The following AASDH variants were observed in gnomAD, a reference collection of about 807,000 sequenced individuals.
AASDH encodes the protein aminoadipate-semialdehyde dehydrogenase, also known as beta-alanine-activating enzyme.
AASDH carries 81 observed loss-of-function variants against 102.3 expected under a neutral mutation model. The observed-to-expected ratio is 0.79, with a 90% CI of 0.66 to 0.95. The LOEUF is 0.95. Among genes scored for constraint, AASDH ranks in the 40% least tolerant of loss-of-function variants. The pLI, the probability that AASDH is intolerant of heterozygous loss-of-function variation, is 0.00. For synonymous variants in AASDH, 398 were observed against 454.0 expected, an observed-to-expected ratio of 0.88 and a Z score of 1.57; for missense variants, 1,203 against 1,266.2, an observed-to-expected ratio of 0.95 and a Z score of 0.76.
At chr4:56,338,822 C>A in intron 14 of AASDH, 31 bp from the exon 15 acceptor site, 2 of 1,582,070 alleles carry the variant, frequency 1.3e-6, no homozygotes, top group South Asian at 2.3e-5. Context: ...AAATATAATT[C>A]ATTCATCTAA....
At position 56,382,486 on chromosome 4, in the gene AASDH, T is replaced by C. The variant is rs1055938339; in HGVS notation, c.342A>G (p.Lys114=). The change falls in exon 3 of 15, where the codon AAA becomes AAG. Residue 114 remains lysine (K), a synonymous_variant. Coordinates refer to ENST00000205214, the MANE Select transcript of AASDH (RefSeq NM_181806.4). ...CNLKYILVEK[K]QINKFKSFHE... The stretch of plus-strand genomic sequence containing the variant: ...AAACATCCAGACTTACATTAATTTG[T>C]TTTTTTTCAACAAGGATATACTTTA... 8 of 1,568,056 alleles carry C rather than the reference T, an allele frequency of 5.1e-6. No homozygotes were observed. The highest frequency in any genetic ancestry group is 7.0e-6 in the Non-Finnish European group (8 of 1,144,712).
chr4:56,357,674 TTCC>T (rs1268045937), intron 5 of AASDH, among the ~76,000 whole-genome samples: 9 of 150,238 alleles, frequency 6.0e-5, no homozygotes, highest in African/African-American at 2.2e-4. Flanking sequence ...AAATTATATA[TTCC>T]ATTTATATAA....
At chr4:56,363,235 C>T (rs572764582) in intron 5 of AASDH, among the ~76,000 whole-genome samples, 50 of 152,354 alleles carry the variant, frequency 3.3e-4, no homozygotes, top group Non-Finnish European at 5.9e-4. Flanking sequence ...GAAGCTCAAA[C>T]TGGGTGGAGC....
chr4:56,340,543 C>CTT (rs1284550759), intron 14 of AASDH, among the ~76,000 whole-genome samples: 9 of 152,160 alleles, frequency 5.9e-5, no homozygotes, highest in Non-Finnish European at 7.4e-5. Flanking sequence ...GGATTAAAGA[C>CTT]TTAAATTTAA....
At chr4:56,340,274 C>T (rs150564580) in intron 14 of AASDH, among the ~76,000 whole-genome samples, 1 of 152,330 alleles carries the variant, frequency 6.6e-6, no homozygotes, top group East Asian at 1.9e-4. Context: ...ATCACAGTAA[C>T]TGACTTCAAA....
chr4:56,368,958 A>G (rs1751371378), intron 5 of AASDH, among the ~76,000 whole-genome samples: 1 of 152,122 alleles, frequency 6.6e-6, no homozygotes, highest in African/African-American at 2.4e-5. Flanking sequence ...AAAATTCAGA[A>G]TAAGAAAAGG....
In AASDH at chr4:56,343,691, A is replaced by G; in HGVS notation, c.2653-7T>C. 1 of 1,603,286 alleles carries G rather than the reference A, an allele frequency of 6.2e-7. No individual in the cohort carries two copies. Among genetic ancestry groups the G allele is most frequent in the Non-Finnish European group, 8.5e-7 (1 of 1,174,900 alleles). ...TCCAAACACACTTCTTTCTCTGCAAATAAGAAAACAAATTAATTTGTTCTT... is the reference window on the plus strand; with the variant it reads ...TCCAAACACACTTCTTTCTCTGCAAGTAAGAAAACAAATTAATTTGTTCTT... On this transcript the variant is annotated splice_region_variant and splice_polypyrimidine_tract_variant and intron_variant, in intron 12 of 14. Coordinates refer to ENST00000205214, the MANE Select transcript of AASDH (RefSeq NM_181806.4).
At chr4:56,352,700 C>T (rs1340210699) in intron 9 of AASDH, among the ~76,000 whole-genome samples, 1 of 152,120 alleles carries the variant, frequency 6.6e-6, no homozygotes, top group Non-Finnish European at 1.5e-5. Flanking sequence ...CTGGCCTGCA[C>T]CCTTTTTCTT....
At chr4:56,378,113 T>C (rs1412371087) in intron 4 of AASDH, 35 bp downstream of exon 4, 22 of 1,549,742 alleles carry the variant, frequency 1.4e-5, no homozygotes, top group Non-Finnish European at 1.8e-5. Context: ...GCCTAAAATA[T>C]AGATTCTGAG....
At chr4:56,365,874 C>G (rs1750932388) in intron 5 of AASDH, among the ~76,000 whole-genome samples, 1 of 152,086 alleles carries the variant, frequency 6.6e-6, no homozygotes, top group Non-Finnish European at 1.5e-5. Flanking sequence ...AAGATCAGAG[C>G]AGAACTGAAG....
intron 4 of AASDH, among the ~76,000 whole-genome samples, chr4:56,373,808 G>A (rs2109979433): frequency 8.2e-6 from 1 of 121,408 alleles, no homozygotes; most frequent in East Asian, 2.5e-4. Context: ...AAATGGGCAA[G>A]GTTATGCATG....
chr4:56,384,025 A>C lies in AASDH; in HGVS notation c.230+45T>G, dbSNP rs755583180. 1.3e-5 allele frequency: 20 copies of C among 1,506,336 alleles called. 1 individual carries two copies. In the South Asian group the frequency reaches 2.2e-4, roughly 16 times the overall value. 93.3% of individuals were successfully genotyped at this position (1,506,336 alleles called of 1,614,324 possible). ...GCAATATACTCTATTAAAAATTTAC[A>C]TTAGCTTGGAGTAACATCAAATTTA... On this transcript the variant is annotated intron_variant, in intron 2 of 14. Coordinates refer to ENST00000205214, the MANE Select transcript of AASDH (RefSeq NM_181806.4).
intron 13 of AASDH, 62 bp downstream of exon 13, chr4:56,343,500 A>G (rs985662409): frequency 7.6e-6 from 11 of 1,438,244 alleles, no homozygotes; most frequent in Non-Finnish European, 1.0e-5. Flanking sequence ...CAAAGCTCAA[A>G]GCAAAAATTT....
At chr4:56,344,600 C>G (rs78554603) in intron 12 of AASDH, among the ~76,000 whole-genome samples, 2,421 of 152,076 alleles carry the variant, frequency 0.016, 74 homozygotes, top group African/African-American at 0.055. Context: ...TTTCATAATT[C>G]TTACATAACA....
Position 56,382,481 on chromosome 4 carries a change from ATTTG to A in AASDH, c.343_346del (p.Gln115LeufsTer12). ...AATTGAAACATCCAGACTTACATTA[ATTTG>A]TTTTTTTTCAACAAGGATATACTTT... On this transcript the variant is annotated frameshift_variant, in exon 3 of 15. Coordinates refer to ENST00000205214, the MANE Select transcript of AASDH (RefSeq NM_181806.4). LOFTEE classifies it high-confidence loss of function. 6.4e-7 allele frequency: 1 copy of A among 1,563,108 alleles called. No individual in the cohort carries two copies. Among genetic ancestry groups the A allele is most frequent in the Non-Finnish European group, 8.8e-7 (1 of 1,139,524 alleles).
At chr4:56,360,710 G>A (rs1750188571) in intron 5 of AASDH, among the ~76,000 whole-genome samples, 1 of 152,104 alleles carries the variant, frequency 6.6e-6, no homozygotes, top group African/African-American at 2.4e-5. Context: ...AAAGTCACAT[G>A]GGAATAAAGA....
At chr4:56,381,414 A>C (rs558544339) in intron 3 of AASDH, among the ~76,000 whole-genome samples, 1 of 150,406 alleles carries the variant, frequency 6.6e-6, no homozygotes, top group African/African-American at 2.5e-5. Context: ...CTACTTAAAA[A>C]TATATATACA....
At chr4:56,379,536 A>T (rs1379736597) in intron 3 of AASDH, among the ~76,000 whole-genome samples, 2 of 152,060 alleles carry the variant, frequency 1.3e-5, no homozygotes, top group African/African-American at 4.8e-5. Context: ...GGGGGGAAGT[A>T]CTTGCTGTAT....
At chr4:56,361,929 G>A (rs963884926) in intron 5 of AASDH, among the ~76,000 whole-genome samples, 1 of 152,140 alleles carries the variant, frequency 6.6e-6, no homozygotes, top group African/African-American at 2.4e-5. Flanking sequence ...CTGTGAGGGC[G>A]CCACTGTGCT....
Sources: gnomAD v4.1 joint callset for allele counts (sites outside exome capture counted in the v4.1 genomes callset) on GRCh38, gnomAD v4.1.1 for gene constraint, MANE v1.5 for transcripts, NCBI Gene and HGNC (gene_info 2026-07-23, HGNC 2026-07-21) for gene names.